ULK4: variants seen among roughly 807,000 people sequenced by gnomAD.
ULK4 encodes the protein unc-51 like kinase 4.
Under a neutral mutation model 160.6 loss-of-function variants are expected in ULK4, and 133 were observed. That is an observed-to-expected ratio of 0.83 (90% CI 0.72 to 0.96). The LOEUF (loss-of-function observed/expected upper bound fraction) is 0.96. Ranked by LOEUF, ULK4 falls within the 40% of genes least tolerant of loss-of-function variation. The pLI is 0.00. For synonymous variants in ULK4, 534 were observed against 539.8 expected, an observed-to-expected ratio of 0.99 and a Z score of 0.15; for missense variants, 1,580 against 1,499.5, an observed-to-expected ratio of 1.05 and a Z score of -0.89.
chr3:41,953,281 T>C (rs921022376), intron 2 of ULK4, among the ~76,000 whole-genome samples: 8 of 51,692 alleles, frequency 1.5e-4, no homozygotes, highest in East Asian at 1.1e-3. Flanking sequence ...TATACATATA[T>C]ACACATATAT....
chr3:41,753,554 T>C (rs2038699306), intron 22 of ULK4, among the ~76,000 whole-genome samples: 1 of 152,178 alleles, frequency 6.6e-6, no homozygotes. Flanking sequence ...CTCCTCCTTT[T>C]AGAGCAAAGA....
chr3:41,457,481 G>T (rs2083582100), intron 33 of ULK4, among the ~76,000 whole-genome samples: 1 of 152,184 alleles, frequency 6.6e-6, no homozygotes. Context: ...CAACAGAGAG[G>T]TGGCACAAAA....
rs190975138 is a variant in ULK4, at chr3:41,454,658, T to C, written c.3492+839A>G. The stretch of plus-strand genomic sequence containing the variant: ...TTGATTTTAAAAGACTGGGACGTTT[T>C]GTAGACAGTGAAATTATATGTTTAA... On this transcript the variant is annotated intron_variant, in intron 34 of 36. Transcript: ENST00000301831. Among the ~76,000 whole-genome samples, 402 of 152,238 alleles carry C rather than the reference T, an allele frequency of 2.6e-3. 3 individuals carry two copies. The highest frequency in any genetic ancestry group is 9.0e-3 in the African/African-American group (372 of 41,560).
intron 25 of ULK4, among the ~76,000 whole-genome samples, chr3:41,713,477 C>A (rs960595746): frequency 1.3e-5 from 2 of 152,116 alleles, no homozygotes; most frequent in African/African-American, 4.8e-5. Context: ...TTAAGGCCAA[C>A]AAACAAACAC....
intron 27 of ULK4, among the ~76,000 whole-genome samples, chr3:41,685,934 T>C (rs759883215): frequency 1.4e-4 from 22 of 152,284 alleles, no homozygotes; most frequent in African/African-American, 3.4e-4. Flanking sequence ...CAACAACCAA[T>C]TGAATAACAT....
chr3:41,447,541 C>T (rs1219447854), intron 34 of ULK4, among the ~76,000 whole-genome samples: 1 of 152,088 alleles, frequency 6.6e-6, no homozygotes, highest in Non-Finnish European at 1.5e-5. Flanking sequence ...TCTGCAGTTC[C>T]GGGGCCTTTC....
At chr3:41,372,983 T>C (rs891592197) in intron 35 of ULK4, among the ~76,000 whole-genome samples, 1 of 152,088 alleles carries the variant, frequency 6.6e-6, no homozygotes, top group East Asian at 1.9e-4. Flanking sequence ...AAGCAGGGGT[T>C]GCAATCCTAG....
rs1176039480 is a variant in ULK4 at position 41,463,211 on chromosome 3, G to A, written c.3269C>T (p.Thr1090Ile). The A allele has an allele frequency of 6.2e-7, 1 of 1,613,606 alleles. No homozygotes were observed. The highest frequency in any genetic ancestry group is 8.5e-7 in the Non-Finnish European group (1 of 1,179,666). The change falls in exon 33 of 37, where the codon ACA becomes ATA. Residue 1090 changes from threonine (T) to isoleucine (I), a missense_variant. By Grantham distance (89) the Thr-to-Ile change is moderately conservative. Transcript: ENST00000301831. ...HICNLLTETA[T>I]LCLDVDNKNN... ...TTTATTGTCCACATCCAAGCACAGTGTGGCAGTTTCAGTGAGCAGGTTACA... is the reference window on the plus strand; with the variant it reads ...TTTATTGTCCACATCCAAGCACAGTATGGCAGTTTCAGTGAGCAGGTTACA...
chr3:41,848,638 C>T (rs2042127853), intron 17 of ULK4, among the ~76,000 whole-genome samples: 1 of 152,158 alleles, frequency 6.6e-6, no homozygotes, highest in Non-Finnish European at 1.5e-5. Flanking sequence ...TGAATCTGGA[C>T]ATAGAGTGAA....
chr3:41,942,198 A>G (rs1699980410), intron 2 of ULK4, among the ~76,000 whole-genome samples: 1 of 152,224 alleles, frequency 6.6e-6, no homozygotes, highest in Admixed American at 6.5e-5. Context: ...TGAAGACTTC[A>G]TACCAAAAAA....
At chr3:41,758,476 G>A (rs2125903340) in intron 21 of ULK4, among the ~76,000 whole-genome samples, 1 of 152,260 alleles carries the variant, frequency 6.6e-6, no homozygotes, top group South Asian at 2.1e-4. Flanking sequence ...TAGGAACACA[G>A]ATGCAAAAAC....
At chr3:41,948,779 TAA>T (rs143781898) in intron 2 of ULK4, among the ~76,000 whole-genome samples, 1 of 132,230 alleles carries the variant, frequency 7.6e-6, no homozygotes, top group African/African-American at 2.8e-5. Flanking sequence ...CTCAACATAA[TAA>T]AAGTCATATA....
intron 19 of ULK4, among the ~76,000 whole-genome samples, 180 bp from the exon 20 acceptor site, chr3:41,800,473 T>G (rs1352193761): frequency 1.3e-5 from 2 of 152,238 alleles, no homozygotes; most frequent in African/African-American, 4.8e-5. Context: ...AATAATCATT[T>G]GGTTATTCAC....
At chr3:41,954,945 T>G (rs188076005) in intron 1 of ULK4, 138 bp from the exon 2 acceptor site, 69 of 584,380 alleles carry the variant, frequency 1.2e-4, no homozygotes, top group East Asian at 3.4e-4. Flanking sequence ...TTACAAATGT[T>G]AAATACTAAT....
At chr3:41,537,185 C>A (rs375638845) in intron 32 of ULK4, among the ~76,000 whole-genome samples, 1 of 128,882 alleles carries the variant, frequency 7.8e-6, no homozygotes, top group Non-Finnish European at 1.6e-5. Context: ...ACCCTTCACC[C>A]CCAACCATTT....
At chr3:41,900,447 T>C (rs924307568) in intron 13 of ULK4, among the ~76,000 whole-genome samples, 3 of 152,092 alleles carry the variant, frequency 2.0e-5, no homozygotes, top group African/African-American at 7.2e-5. Context: ...AACCCCTCCA[T>C]GGCATGTGGA....
intron 32 of ULK4, among the ~76,000 whole-genome samples, chr3:41,535,263 C>T (rs1041572900): frequency 9.2e-5 from 14 of 152,044 alleles, no homozygotes; most frequent in African/African-American, 1.7e-4. Flanking sequence ...AGCTATTACA[C>T]GGAGAGCAGT....
intron 34 of ULK4, among the ~76,000 whole-genome samples, chr3:41,418,555 T>C (rs1162316492): frequency 6.6e-6 from 1 of 152,210 alleles, no homozygotes; most frequent in African/African-American, 2.4e-5. Flanking sequence ...CTGGTCTTCA[T>C]TTCCTAATCT....
chr3:41,805,840 G>A (rs2040626400), intron 19 of ULK4, among the ~76,000 whole-genome samples: 1 of 146,106 alleles, frequency 6.8e-6, no homozygotes, highest in South Asian at 2.2e-4. Context: ...AAGCCCACTT[G>A]ATCATGGTGG....
Sources: gnomAD v4.1 joint callset for allele counts (sites outside exome capture counted in the v4.1 genomes callset) on GRCh38, gnomAD v4.1.1 for gene constraint, MANE v1.5 for transcripts, NCBI Gene and HGNC (gene_info 2026-07-23, HGNC 2026-07-21) for gene names.